ACACA: variants seen among roughly 807,000 people sequenced by gnomAD.
The protein encoded by ACACA is acetyl-CoA carboxylase alpha, also known as acetyl-CoA carboxylase 1.
ACACA carries 103 observed loss-of-function variants against 296.1 expected under a neutral mutation model. That is an observed-to-expected ratio of 0.35 (90% CI 0.30 to 0.41). The LOEUF (loss-of-function observed/expected upper bound fraction) is 0.41, where lower values mean the gene tolerates loss of function less well. Among genes scored for constraint, ACACA ranks in the 10% least tolerant of loss-of-function variants. The probability of loss-of-function intolerance (pLI) is 1.00; values close to 1 mark genes in which losing one functional copy is unlikely to be tolerated. For synonymous variants in ACACA, 953 were observed against 1,038.6 expected, an observed-to-expected ratio of 0.92 and a Z score of 1.58; for missense variants, 1,554 against 2,989.7, an observed-to-expected ratio of 0.52 and a Z score of 11.20.
chr17:37,114,087 G>A lies in ACACA; in HGVS notation c.6275-822C>T, dbSNP rs567535359. On this transcript the variant is annotated intron_variant, in intron 50 of 55. Coordinates refer to ENST00000616317, the MANE Select transcript of ACACA (RefSeq NM_198834.3). The stretch of plus-strand genomic sequence containing the variant: ...CTGCAGTCCCAGTCACTTGGCTGAG[G>A]TGGGAGGATCACTTGAGCCCAAGAG... Among the ~76,000 whole-genome samples the A allele has an allele frequency of 1.6e-3, 248 of 152,270 alleles. 1 individual carries two copies. The highest frequency in any genetic ancestry group is 3.1e-3 in the Non-Finnish European group (213 of 68,022).
chr17:37,177,114 T>G (rs1330426274), intron 41 of ACACA, among the ~76,000 whole-genome samples: 6 of 152,278 alleles, frequency 3.9e-5, no homozygotes, highest in Non-Finnish European at 7.4e-5. Context: ...TTCAAAACTA[T>G]TAAAGCACTG....
intron 42 of ACACA, among the ~76,000 whole-genome samples, chr17:37,156,003 T>G (rs1421750773): frequency 6.7e-6 from 1 of 148,964 alleles, no homozygotes. Flanking sequence ...AGACACCTTA[T>G]AGCTGCAATT....
chr17:37,239,745 T>C (rs2145913068), intron 24 of ACACA, among the ~76,000 whole-genome samples: 1 of 152,346 alleles, frequency 6.6e-6, no homozygotes, highest in East Asian at 1.9e-4. Flanking sequence ...TTATGTATTA[T>C]TTTGTATGTT....
chr17:37,277,835 C>T (rs528587566), intron 6 of ACACA, 61 bp downstream of exon 6: 2 of 1,280,380 alleles, frequency 1.6e-6, no homozygotes, highest in Non-Finnish European at 1.1e-6. Context: ...CTAGATATCC[C>T]CTTGTGCCTA....
chr17:37,371,850 A>C (rs751910477), intron 1 of ACACA, among the ~76,000 whole-genome samples: 1 of 152,030 alleles, frequency 6.6e-6, no homozygotes, highest in Non-Finnish European at 1.5e-5. Flanking sequence ...CAGTGAGCTG[A>C]GATCACGCCA....
At chr17:37,174,020 A>ATATATATATATTTTTTTTTTT (rs552735515) in intron 41 of ACACA, among the ~76,000 whole-genome samples, 2 of 16,794 alleles carry the variant, frequency 1.2e-4, no homozygotes, top group Non-Finnish European at 2.0e-4. Context: ...ATATATATAT[A>ATATATATATATTTTTTTTTTT]TTTTTTTTTT....
chr17:37,156,459 A>G (rs2076256971), intron 42 of ACACA, among the ~76,000 whole-genome samples: 1 of 152,172 alleles, frequency 6.6e-6, no homozygotes, highest in Non-Finnish European at 1.5e-5. Flanking sequence ...TGTGTGAATT[A>G]CTATTTTTCA....
chr17:37,260,249 C>CATTCATAT, intron 11 of ACACA, among the ~76,000 whole-genome samples: 1 of 30,500 alleles, frequency 3.3e-5, no homozygotes. Context: ...ACTCCCAAGT[C>CATTCATAT]ATATATATAT....
chr17:37,393,850 C>G (rs1007487025), intron 1 of ACACA, among the ~76,000 whole-genome samples: 1 of 151,666 alleles, frequency 6.6e-6, no homozygotes, highest in African/African-American at 2.4e-5. Context: ...ATTTGGGTAA[C>G]ATTTGTACTG....
chr17:37,159,421 T>C (rs1411084845), intron 42 of ACACA, among the ~76,000 whole-genome samples: 128 of 152,106 alleles, frequency 8.4e-4, no homozygotes, highest in African/African-American at 2.9e-3. Context: ...GGTATTTCGC[T>C]ATGTTAGCCA....
chr17:37,219,331 C>G (rs2079174032), intron 29 of ACACA, among the ~76,000 whole-genome samples: 1 of 152,174 alleles, frequency 6.6e-6, no homozygotes, highest in African/African-American at 2.4e-5. Flanking sequence ...ACACTTCACC[C>G]TAAGCGTCTC....
At chr17:37,314,462 A>T (rs949081418) in intron 3 of ACACA, among the ~76,000 whole-genome samples, 1 of 151,978 alleles carries the variant, frequency 6.6e-6, no homozygotes. Flanking sequence ...CAATGTAACA[A>T]ACATTTATTA....
rs1048506438 is a variant in ACACA, at chr17:37,337,958, G to A, written c.85+1846C>T. Among the ~76,000 whole-genome samples the A allele has an allele frequency of 5.3e-5, 8 of 151,898 alleles. No individual in the cohort carries two copies. In the East Asian group the frequency reaches 9.8e-4, roughly 19 times the overall value. On this transcript the variant is annotated intron_variant, in intron 2 of 55. Coordinates refer to ENST00000616317, the MANE Select transcript of ACACA (RefSeq NM_198834.3). ...TAAATATACAAAAAATTAGCCGGGC[G>A]TAGTGGCGGGCACCTGTAGTCCCAG...
intron 3 of ACACA, among the ~76,000 whole-genome samples, chr17:37,309,638 G>A (rs2084040217): frequency 6.6e-6 from 1 of 152,200 alleles, no homozygotes; most frequent in South Asian, 2.1e-4. Context: ...CTTGAGATAG[G>A]AAAAATATTG....
intron 54 of ACACA, among the ~76,000 whole-genome samples, chr17:37,094,576 C>T (rs905122268): frequency 1.0e-5 from 1 of 98,270 alleles, no homozygotes; most frequent in Non-Finnish European, 2.4e-5. Flanking sequence ...AGAACCACCC[C>T]CCCCCCCCCA....
intron 1 of ACACA, among the ~76,000 whole-genome samples, chr17:37,357,348 C>A (rs111396163): frequency 1.6e-4 from 25 of 152,202 alleles, no homozygotes; most frequent in Middle Eastern, 3.4e-3. Context: ...CAAAAATTAG[C>A]CAGGCGTAGT....
At chr17:37,332,649 G>A (rs991378085) in intron 2 of ACACA, among the ~76,000 whole-genome samples, 36 of 151,030 alleles carry the variant, frequency 2.4e-4, no homozygotes, top group Non-Finnish European at 1.6e-4. Context: ...GGTGGCTCAC[G>A]CCTGTAAATA....
At chr17:37,214,891 G>T (rs1029843901) in intron 29 of ACACA, among the ~76,000 whole-genome samples, 1 of 152,202 alleles carries the variant, frequency 6.6e-6, no homozygotes, top group Admixed American at 6.5e-5. Flanking sequence ...TGACTTCTGA[G>T]TATCTCAGTA....
At chr17:37,188,556 G>C in intron 38 of ACACA, 76 bp from the exon 39 acceptor site, 1 of 1,490,278 alleles carries the variant, frequency 6.7e-7, no homozygotes, top group Non-Finnish European at 9.3e-7. Context: ...GCTCATATTT[G>C]AGAAAGAAGG....
Sources: allele counts gnomAD v4.1 joint callset (sites outside exome capture counted in the v4.1 genomes callset), GRCh38; gene constraint gnomAD v4.1.1; transcripts MANE v1.5; gene names NCBI Gene and HGNC (gene_info 2026-07-23, HGNC 2026-07-21).